NEDD4: variants seen among roughly 807,000 people sequenced by gnomAD.
NEDD4 encodes the protein E3 ubiquitin-protein ligase NEDD4.
NEDD4 carries 99 observed loss-of-function variants against 144.9 expected under a neutral mutation model. That is an observed-to-expected ratio of 0.68 (90% confidence interval 0.58 to 0.81). NEDD4 has a LOEUF of 0.81. Among genes scored for constraint, NEDD4 ranks in the 30% least tolerant of loss-of-function variants. The pLI, the probability that NEDD4 is intolerant of heterozygous loss-of-function variation, is 0.00. For synonymous variants in NEDD4, 318 were observed against 350.6 expected (o/e 0.91, Z 1.04); for missense variants, 985 against 1,065.9 (o/e 0.92, Z 1.06).
At chr15:55,912,607 C>T (rs1176151059) in intron 5 of NEDD4, among the ~76,000 whole-genome samples, 1 of 151,920 alleles carries the variant, frequency 6.6e-6, no homozygotes, top group Non-Finnish European at 1.5e-5. Flanking sequence ...ATTTAGAAAA[C>T]AACAGATGGG....
intron 2 of NEDD4, among the ~76,000 whole-genome samples, chr15:55,965,837 G>C (rs2037503489): frequency 6.6e-6 from 1 of 152,042 alleles, no homozygotes; most frequent in Non-Finnish European, 1.5e-5. Flanking sequence ...TTTTAGTAGA[G>C]ACAGGGTTTC....
At chr15:55,849,869 T>C (rs1272281104) in intron 14 of NEDD4, among the ~76,000 whole-genome samples, 1 of 151,744 alleles carries the variant, frequency 6.6e-6, no homozygotes, top group African/African-American at 2.4e-5. Flanking sequence ...CTTGGCTCAC[T>C]GCAACCTCCG....
chr15:55,856,073 T>C (rs2034181602), intron 12 of NEDD4, 58 bp downstream of exon 12: 1 of 1,476,314 alleles, frequency 6.8e-7, no homozygotes, highest in Non-Finnish European at 9.5e-7. Flanking sequence ...TTCCAAAAAA[T>C]AAAAAGAGAT....
chr15:55,841,990 G>A lies in NEDD4; in HGVS notation c.1782C>T (p.Phe594=). 2 of 1,614,162 alleles carry A rather than the reference G, an allele frequency of 1.2e-6. No individual in the cohort carries two copies. The highest frequency in any genetic ancestry group is 4.5e-5 in the East Asian group (2 of 44,886). The stretch of plus-strand genomic sequence containing the variant: ...GGTTAAACATTTCCTTTGAGATCAG[G>A]AAGAACCATTCTCTGGCAACTCCTC... ...DYGGVAREWF[F]LISKEMFNPY... is the part of the protein sequence containing the mutation. Residue 594 remains phenylalanine, a synonymous_variant, in exon 19 of 29, where the codon TTC becomes TTT. Transcript: ENST00000435532.
rs775928815 is a variant in NEDD4 at position 55,856,055 on chromosome 15, A to G, written c.1026+76T>C. On this transcript the variant is annotated intron_variant, in intron 12 of 28. Transcript: ENST00000435532. ...GGCTCCCTGTAAGGCAAACGTTCAC[A>G]CTCAATCTTCCAAAAAATAAAAAGA... 55 of 1,312,248 alleles carry G rather than the reference A, an allele frequency of 4.2e-5. No individual in the cohort carries two copies. In the African/African-American group the frequency reaches 6.0e-4, roughly 14 times the overall value. 81.3% of individuals were successfully genotyped at this position (1,312,248 alleles called of 1,614,324 possible).
intron 5 of NEDD4, among the ~76,000 whole-genome samples, chr15:55,920,188 A>AATATAT (rs61628148): frequency 6.7e-6 from 1 of 150,338 alleles, no homozygotes; most frequent in Admixed American, 6.7e-5. Flanking sequence ...ATTGTGTGGA[A>AATATAT]ATATATATAT....
chr15:55,940,790 G>T lies in NEDD4; in HGVS notation c.237+10586C>A, dbSNP rs185464930. 1.8e-4 allele frequency among the ~76,000 whole-genome samples: 27 copies of T among 151,852 alleles called. No homozygotes were observed. In the East Asian group the frequency reaches 4.3e-3, roughly 24 times the overall value. The stretch of plus-strand genomic sequence containing the variant: ...GCCCACCCTGGCCTCTCGAAGTGCT[G>T]GTATTATAGGCATGAGCCACCATGC... On this transcript the variant is annotated intron_variant, in intron 4 of 28. Coordinates refer to ENST00000435532, the MANE Select transcript of NEDD4 (RefSeq NM_006154.4).
chr15:55,955,104 C>T (rs1347761502), intron 2 of NEDD4, among the ~76,000 whole-genome samples: 1 of 151,858 alleles, frequency 6.6e-6, no homozygotes, highest in Non-Finnish European at 1.5e-5. Flanking sequence ...CACTCGAAAC[C>T]TCTGCCTCCC....
chr15:55,890,397 T>A (rs73416234), intron 5 of NEDD4, among the ~76,000 whole-genome samples: 1,653 of 152,066 alleles, frequency 0.011, 43 homozygotes, highest in African/African-American at 0.037. Context: ...CACCAACCAC[T>A]TTCTGTCTTT....
At chr15:55,869,206 T>C (rs1459188885) in intron 8 of NEDD4, among the ~76,000 whole-genome samples, 1 of 152,170 alleles carries the variant, frequency 6.6e-6, no homozygotes, top group Non-Finnish European at 1.5e-5. Flanking sequence ...AATAAGAATA[T>C]TAACAGGACT....
chr15:55,839,973 CAAAAAAAAAAAAAAAA>C (rs1157411288), intron 21 of NEDD4, among the ~76,000 whole-genome samples: 3 of 12,104 alleles, frequency 2.5e-4, no homozygotes, highest in African/African-American at 1.3e-3. Context: ...CACTCTGTCT[CAAAAAAAAAAAAAAAA>C]AAAAAAAAAA....
chr15:55,962,836 G>C (rs1400417146), intron 2 of NEDD4, among the ~76,000 whole-genome samples: 1 of 150,040 alleles, frequency 6.7e-6, no homozygotes, highest in African/African-American at 2.5e-5. Flanking sequence ...GCCCAGGCTG[G>C]AGTGCAATGG....
At chr15:55,971,045 A>G (rs2037599852) in intron 1 of NEDD4, among the ~76,000 whole-genome samples, 1 of 152,198 alleles carries the variant, frequency 6.6e-6, no homozygotes, top group African/African-American at 2.4e-5. Context: ...AGAAAACTCA[A>G]AGAAGGATCT....
At chr15:55,837,880 G>A (rs749676885) in intron 23 of NEDD4, 31 bp from the exon 24 acceptor site, 2 of 1,543,212 alleles carry the variant, frequency 1.3e-6, no homozygotes, top group Non-Finnish European at 1.8e-6. Context: ...ATTTTCATGT[G>A]AACCAAGACA....
At chr15:55,861,306 A>G (rs1323191658) in intron 9 of NEDD4, among the ~76,000 whole-genome samples, 1 of 152,202 alleles carries the variant, frequency 6.6e-6, no homozygotes, top group African/African-American at 2.4e-5. Context: ...TAGGAATTAC[A>G]TATCTATTAG....
intron 5 of NEDD4, among the ~76,000 whole-genome samples, chr15:55,905,032 C>A (rs1335105396): frequency 1.3e-5 from 2 of 148,754 alleles, no homozygotes; most frequent in Admixed American, 1.4e-4. Flanking sequence ...GCAGAGGCTG[C>A]AGTGAGCCGA....
At chr15:55,874,645 G>C (rs2034925334) in intron 5 of NEDD4, among the ~76,000 whole-genome samples, 1 of 152,214 alleles carries the variant, frequency 6.6e-6, no homozygotes, top group Admixed American at 6.5e-5. Context: ...CAAAAGGGAA[G>C]CAGAATTTGG....
intron 5 of NEDD4, among the ~76,000 whole-genome samples, chr15:55,897,870 C>A (rs1164672812): frequency 6.6e-6 from 1 of 152,190 alleles, no homozygotes; most frequent in African/African-American, 2.4e-5. Flanking sequence ...CTTCCACATC[C>A]GGTTCCTGAC....
chr15:55,949,357 T>C lies in NEDD4; in HGVS notation c.237+2019A>G, dbSNP rs371411186. Among the ~76,000 whole-genome samples the C allele has an allele frequency of 8.5e-5, 13 of 152,342 alleles. No homozygotes were observed. In the East Asian group the frequency reaches 2.3e-3, roughly 27 times the overall value. On this transcript the variant is annotated intron_variant, in intron 4 of 28. Coordinates refer to ENST00000435532, the MANE Select transcript of NEDD4 (RefSeq NM_006154.4). Reference sequence around the variant, plus strand: ...AATACTTTTACACTGTTGGTGGGACTGTAAACTAGTTCAACCATTGTGGAA... The same window carrying C: ...AATACTTTTACACTGTTGGTGGGACCGTAAACTAGTTCAACCATTGTGGAA...
Sources: gnomAD v4.1 joint callset for allele counts (sites outside exome capture counted in the v4.1 genomes callset) on GRCh38, gnomAD v4.1.1 for gene constraint, MANE v1.5 for transcripts, NCBI Gene and HGNC (gene_info 2026-07-23, HGNC 2026-07-21) for gene names.